TRAPPC8: variants seen among roughly 807,000 people sequenced by gnomAD.
The protein encoded by TRAPPC8 is trafficking protein particle complex subunit 8, also known as general sporulation gene 1 homolog.
TRAPPC8 carries 54 observed loss-of-function variants against 174.3 expected under a neutral mutation model. The ratio of observed to expected loss-of-function variants is 0.31; its 90% confidence interval spans 0.25 to 0.39. The LOEUF is 0.39. Ranked by LOEUF, TRAPPC8 falls within the 10% of genes least tolerant of loss-of-function variation. The pLI is 1.00. For missense variants in TRAPPC8, 1,531 were observed against 1,699.1 expected, an observed-to-expected ratio of 0.90 and a Z score of 1.74; for synonymous variants, 630 against 579.9, an observed-to-expected ratio of 1.09 and a Z score of -1.24.
At chr18:31,872,192 C>T (rs2034901057) in intron 14 of TRAPPC8, among the ~76,000 whole-genome samples, 1 of 151,980 alleles carries the variant, frequency 6.6e-6, no homozygotes, top group Non-Finnish European at 1.5e-5. Flanking sequence ...TCGATGGGAG[C>T]ATGTAGTATT....
chr18:31,849,785 T>C, intron 24 of TRAPPC8, 46 bp from the exon 25 acceptor site: 2 of 1,500,146 alleles, frequency 1.3e-6, no homozygotes, highest in Non-Finnish European at 1.8e-6. Flanking sequence ...TTTAATTATG[T>C]TGTCAAAATT....
chr18:31,902,454 A>G (rs1490956502), intron 9 of TRAPPC8, among the ~76,000 whole-genome samples: 2 of 152,222 alleles, frequency 1.3e-5, no homozygotes, highest in African/African-American at 4.8e-5. Context: ...GTGTTCTCCC[A>G]GATATTCTGC....
At chr18:31,845,824 A>G (rs1325971466) in intron 26 of TRAPPC8, among the ~76,000 whole-genome samples, 1 of 152,302 alleles carries the variant, frequency 6.6e-6, no homozygotes, top group East Asian at 1.9e-4. Flanking sequence ...GAAAATTAAG[A>G]TCTGTTATTT....
intron 1 of TRAPPC8, 168 bp downstream of exon 1, chr18:31,942,440 G>A: frequency 4.9e-6 from 4 of 817,018 alleles, no homozygotes; most frequent in Non-Finnish European, 7.1e-6. Flanking sequence ...ACAACCTCAC[G>A]GTCCCTCCTC....
rs1555668900 is a variant in TRAPPC8, at chr18:31,880,088, A to ATATAT, written c.1729-5385_1729-5384insATATA. 4.9e-5 allele frequency among the ~76,000 whole-genome samples: 3 copies of ATATAT among 61,454 alleles called. No individual in the cohort carries two copies. The South Asian group carries it at 2.6e-3, about 52-fold the overall frequency. 40.3% of individuals were successfully genotyped at this position (61,454 alleles called of 152,430 possible). On this transcript the variant is annotated intron_variant, in intron 12 of 28. Coordinates refer to ENST00000283351, the MANE Select transcript of TRAPPC8 (RefSeq NM_014939.5). ...AATTTTACTGAAACTATTGAAAAAA[A>ATATAT]AAATATATATATATATATATATATA...
intron 2 of TRAPPC8, among the ~76,000 whole-genome samples, chr18:31,923,669 C>G (rs556011587): frequency 5.3e-5 from 8 of 151,232 alleles, no homozygotes; most frequent in Non-Finnish European, 1.0e-4. Context: ...AGTACTTCAT[C>G]GTATCTCATT....
At position 31,857,690 on chromosome 18, in the gene TRAPPC8, T is replaced by C; in HGVS notation, c.3038A>G (p.Glu1013Gly). 1 of 1,614,138 alleles carries C rather than the reference T, an allele frequency of 6.2e-7. No individual in the cohort carries two copies. Among genetic ancestry groups the C allele is most frequent in the Non-Finnish European group, 8.5e-7 (1 of 1,180,012 alleles). The change falls in exon 20 of 29, where the codon GAG (glutamate) becomes GGG (glycine). Residue 1013 changes from glutamate (E) to glycine (G), a missense_variant. Coordinates refer to ENST00000283351, the MANE Select transcript of TRAPPC8 (RefSeq NM_014939.5). ...DFGIGTGSQP[E>G]VIPVPLPDTV... Reference sequence around the variant, plus strand: ...GTCAGGAAGGGGAACAGGAATCACCTCTGGTTGACTTCCTGTGCCAATGCC... The same window carrying C: ...GTCAGGAAGGGGAACAGGAATCACCCCTGGTTGACTTCCTGTGCCAATGCC...
In TRAPPC8 at chr18:31,931,914, G is replaced by A. The variant is rs1254252380; in HGVS notation, c.158-391C>T. ...AGAAACAGTAAAAGGAAAAAGAAAG[G>A]GGAGTTAAAATGTTGCACTTGGGCT... On this transcript the variant is annotated intron_variant, in intron 1 of 28. Transcript: ENST00000283351. 2.0e-5 allele frequency among the ~76,000 whole-genome samples: 3 copies of A among 152,190 alleles called. No individual in the cohort carries two copies. The East Asian group carries it at 5.8e-4, about 29-fold the overall frequency.
chr18:31,880,081 G>GAAAAAAAAA (rs749972515), intron 12 of TRAPPC8, among the ~76,000 whole-genome samples: 45 of 52,718 alleles, frequency 8.5e-4, no homozygotes, highest in African/African-American at 3.0e-3. Flanking sequence ...TGAAACTATT[G>GAAAAAAAAA]AAAAAAAAAA....
intron 1 of TRAPPC8, 48 bp from the exon 2 acceptor site, chr18:31,931,571 A>G (rs752988151): frequency 7.1e-7 from 1 of 1,405,436 alleles, no homozygotes; most frequent in Admixed American, 2.5e-5. Context: ...TATACAATGC[A>G]TAATAACCCA....
At chr18:31,839,502 TG>T in intron 26 of TRAPPC8, 45 bp from the exon 27 acceptor site, 2 of 1,509,486 alleles carry the variant, frequency 1.3e-6, no homozygotes, top group Admixed American at 2.3e-5. Flanking sequence ...AACACTACCT[TG>T]TTTAAAAAAA....
At chr18:31,890,575 A>G (rs1297489943) in intron 12 of TRAPPC8, among the ~76,000 whole-genome samples, 160 bp downstream of exon 12, 3 of 152,224 alleles carry the variant, frequency 2.0e-5, no homozygotes, top group Non-Finnish European at 4.4e-5. Context: ...ATCAAAATTT[A>G]TAGCCAGATT....
intron 13 of TRAPPC8, 89 bp downstream of exon 13, chr18:31,874,391 A>G (rs760184697): frequency 1.5e-6 from 2 of 1,332,294 alleles, no homozygotes; most frequent in South Asian, 2.6e-5. Context: ...ATATTCTAAT[A>G]AAACTATCGT....
intron 14 of TRAPPC8, among the ~76,000 whole-genome samples, chr18:31,872,812 T>C (rs2034938669): frequency 6.6e-6 from 1 of 152,100 alleles, no homozygotes; most frequent in African/African-American, 2.4e-5. Context: ...GAATAGAATA[T>C]TTTACTAACA....
At chr18:31,833,919 A>ACT in intron 27 of TRAPPC8, among the ~76,000 whole-genome samples, 2 of 149,036 alleles carry the variant, frequency 1.3e-5, no homozygotes, top group Non-Finnish European at 3.0e-5. Flanking sequence ...GAAGAATGGC[A>ACT]TGAACCCAGG....
chr18:31,879,029 G>T (rs2035295420), intron 12 of TRAPPC8, among the ~76,000 whole-genome samples: 1 of 152,210 alleles, frequency 6.6e-6, no homozygotes, highest in East Asian at 1.9e-4. Flanking sequence ...GTAATACTGG[G>T]GGACTTCAAC....
intron 1 of TRAPPC8, among the ~76,000 whole-genome samples, chr18:31,935,821 C>T (rs1009695573): frequency 1.3e-5 from 2 of 151,600 alleles, no homozygotes; most frequent in African/African-American, 2.4e-5. Context: ...CTGCAACCTC[C>T]GCCTCCCAGG....
At chr18:31,904,509 C>T (rs978088577) in intron 9 of TRAPPC8, among the ~76,000 whole-genome samples, 3 of 152,132 alleles carry the variant, frequency 2.0e-5, no homozygotes, top group Admixed American at 2.0e-4. Context: ...AACAAATGTA[C>T]TTCTCTGCAA....
chr18:31,937,069 C>T (rs1461948296), intron 1 of TRAPPC8, among the ~76,000 whole-genome samples: 1 of 151,982 alleles, frequency 6.6e-6, no homozygotes, highest in African/African-American at 2.4e-5. Flanking sequence ...AAAAAATTAG[C>T]CAGGCGTGGT....
Sources: allele counts gnomAD v4.1 joint callset (sites outside exome capture counted in the v4.1 genomes callset), GRCh38; gene constraint gnomAD v4.1.1; transcripts MANE v1.5; gene names NCBI Gene and HGNC (gene_info 2026-07-23, HGNC 2026-07-21).